SNX29: variants seen among roughly 807,000 people sequenced by gnomAD.
SNX29 encodes sorting nexin-29.
SNX29 carries 78 observed loss-of-function variants against 102.1 expected under a neutral mutation model. The observed-to-expected ratio is 0.76, with a 90% CI of 0.64 to 0.92. The LOEUF is 0.92. SNX29 is among the 40% of genes least tolerant of loss of function. The pLI, the probability that SNX29 is intolerant of heterozygous loss-of-function variation, is 0.00. For synonymous variants in SNX29, 580 were observed against 414.5 expected, an observed-to-expected ratio of 1.40 and a Z score of -4.85; for missense variants, 1,280 against 1,061.7, an observed-to-expected ratio of 1.21 and a Z score of -2.86.
At chr16:12,302,066 C>T (rs924294073) in intron 15 of SNX29, among the ~76,000 whole-genome samples, 10 of 152,288 alleles carry the variant, frequency 6.6e-5, no homozygotes, top group East Asian at 1.9e-4. Context: ...CCAGTGCCTA[C>T]GGTCCTTTCT....
intron 18 of SNX29, among the ~76,000 whole-genome samples, chr16:12,404,846 C>T (rs1163593567): frequency 6.6e-6 from 1 of 152,132 alleles, no homozygotes. Context: ...TCTCACCTTC[C>T]CAAATGACCG....
intron 14 of SNX29, among the ~76,000 whole-genome samples, chr16:12,211,531 G>T (rs2077183038): frequency 6.6e-6 from 1 of 152,138 alleles, no homozygotes; most frequent in Non-Finnish European, 1.5e-5. Context: ...ATTAGTCAGG[G>T]TTCTCCACAA....
At chr16:12,565,367 G>C (rs934411192) in intron 20 of SNX29, among the ~76,000 whole-genome samples, 2 of 152,136 alleles carry the variant, frequency 1.3e-5, no homozygotes, top group African/African-American at 4.8e-5. Flanking sequence ...TGAAGCCCCT[G>C]GTCTAGCCAG....
intron 18 of SNX29, among the ~76,000 whole-genome samples, chr16:12,408,658 TA>T (rs2084272139): frequency 6.6e-6 from 1 of 151,952 alleles, no homozygotes; most frequent in South Asian, 2.1e-4. Context: ...CCATCTCTAC[TA>T]AAAATACAAA....
intron 4 of SNX29, among the ~76,000 whole-genome samples, chr16:12,036,498 C>G (rs1053739515): frequency 2.6e-5 from 4 of 152,086 alleles, no homozygotes; most frequent in Admixed American, 2.6e-4. Context: ...CCACGCCCAG[C>G]TAATTTTTTG....
At chr16:12,361,454 T>G (rs1597072984) in intron 16 of SNX29, among the ~76,000 whole-genome samples, 1 of 152,270 alleles carries the variant, frequency 6.6e-6, no homozygotes, top group African/African-American at 2.4e-5. Context: ...ACTGCTGATA[T>G]TAATAGCTAA....
chr16:12,057,318 A>T (rs1434663257), intron 8 of SNX29, among the ~76,000 whole-genome samples: 1 of 152,132 alleles, frequency 6.6e-6, no homozygotes, highest in East Asian at 1.9e-4. Flanking sequence ...GCCCTGGTGG[A>T]AGGGAAAGAT....
intron 20 of SNX29, chr16:12,527,519 G>C (rs936112589): frequency 7.4e-6 from 3 of 402,742 alleles, no homozygotes; most frequent in Non-Finnish European, 1.4e-5. Context: ...GTTCACTAAA[G>C]AGAGGGCCCC....
At chr16:12,283,785 T>C (rs543927902) in intron 15 of SNX29, among the ~76,000 whole-genome samples, 3 of 152,358 alleles carry the variant, frequency 2.0e-5, no homozygotes, top group African/African-American at 7.2e-5. Flanking sequence ...TCAGGACAGA[T>C]AATTGAAGTG....
At chr16:12,486,822 G>T (rs1252523604) in intron 19 of SNX29, among the ~76,000 whole-genome samples, 1 of 152,224 alleles carries the variant, frequency 6.6e-6, no homozygotes, top group Non-Finnish European at 1.5e-5. Context: ...CATTTTTAGA[G>T]TTGGGAGTGC....
At chr16:12,348,717 AAC>A (rs1567464394) in intron 15 of SNX29, among the ~76,000 whole-genome samples, 1 of 152,136 alleles carries the variant, frequency 6.6e-6, no homozygotes, top group East Asian at 1.9e-4. Flanking sequence ...TGTGGCCACA[AAC>A]ACAGGCTGGG....
chr16:12,206,441 G>A (rs2077046076), intron 14 of SNX29, among the ~76,000 whole-genome samples: 2 of 144,194 alleles, frequency 1.4e-5, no homozygotes, highest in Admixed American at 7.0e-5. Flanking sequence ...CCGTGGTGTT[G>A]TAAATCCTCC....
rs114647540 is a variant in SNX29, at chr16:12,140,812, C to A, written c.1595+11054C>A. Among the ~76,000 whole-genome samples the A allele has an allele frequency of 5.2e-3, 794 of 152,294 alleles. 6 individuals carry two copies. Among genetic ancestry groups the A allele is most frequent in the African/African-American group, 0.018 (758 of 41,560 alleles). ...CATTATTAGCAAACCGCTGGTCCAG[C>A]TACTTTGGCATATTTGGACTTGATC... On this transcript the variant is annotated intron_variant, in intron 13 of 20. Transcript: ENST00000566228.
At chr16:12,156,826 C>G (rs1258858620) in intron 13 of SNX29, among the ~76,000 whole-genome samples, 1 of 152,178 alleles carries the variant, frequency 6.6e-6, no homozygotes, top group Non-Finnish European at 1.5e-5. Context: ...TCCCTCTGGG[C>G]ACTGAGTTTC....
At chr16:12,123,905 T>A (rs1241437204) in intron 11 of SNX29, among the ~76,000 whole-genome samples, 1 of 152,148 alleles carries the variant, frequency 6.6e-6, no homozygotes, top group African/African-American at 2.4e-5. Context: ...TGGCCGTGTT[T>A]GGGGAAAGCT....
At chr16:12,153,537 G>A (rs924509480) in intron 13 of SNX29, among the ~76,000 whole-genome samples, 8 of 151,674 alleles carry the variant, frequency 5.3e-5, no homozygotes, top group African/African-American at 1.9e-4. Context: ...GCAGTGGCAT[G>A]ACCTCACCTC....
chr16:12,189,604 G>T (rs1221882312), intron 13 of SNX29, among the ~76,000 whole-genome samples: 1 of 152,086 alleles, frequency 6.6e-6, no homozygotes, highest in Non-Finnish European at 1.5e-5. Flanking sequence ...TGTCTGTTAT[G>T]CTCCTTCACT....
chr16:12,192,367 C>T (rs1032173261), intron 13 of SNX29, among the ~76,000 whole-genome samples: 10 of 152,212 alleles, frequency 6.6e-5, no homozygotes, highest in African/African-American at 2.4e-4. Context: ...GCTACCTCTT[C>T]GGTCCTCTCA....
At chr16:12,320,021 T>C (rs1039627840) in intron 15 of SNX29, among the ~76,000 whole-genome samples, 2 of 152,132 alleles carry the variant, frequency 1.3e-5, no homozygotes, top group African/African-American at 4.8e-5. Context: ...CTGCATCTCG[T>C]CACTGGTCTC....
Sources: allele counts gnomAD v4.1 joint callset (sites outside exome capture counted in the v4.1 genomes callset), GRCh38; gene constraint gnomAD v4.1.1; transcripts MANE v1.5; gene names NCBI Gene and HGNC (gene_info 2026-07-23, HGNC 2026-07-21).